BRWD1: variants seen among roughly 807,000 people sequenced by gnomAD.
BRWD1 encodes bromodomain and WD repeat domain containing 1, also known as bromodomain and WD repeat-containing protein 1.
In BRWD1, 82 loss-of-function variants were observed where a neutral mutation model predicts 251.2. The ratio of observed to expected loss-of-function variants is 0.33; its 90% CI spans 0.27 to 0.39. The LOEUF (loss-of-function observed/expected upper bound fraction) is 0.39, where lower values mean the gene tolerates loss of function less well. BRWD1 is among the 10% of genes least tolerant of loss of function. BRWD1 has a pLI of 1.00. For missense variants in BRWD1, 2,233 were observed against 2,711.6 expected (o/e 0.82, Z 3.92); for synonymous variants, 918 against 902.8 (o/e 1.02, Z -0.30).
In BRWD1 at chr21:39,196,439, G is replaced by A. The variant is rs567136270; in HGVS notation, c.6630C>T (p.Arg2210=). ...CATTATCATCCACACTTAACCTAGG[G>A]CGTTTGCTTTGTCTTTGACGTCTCA... ...KTVRRQRQSK[R]PRLSVDDNDW... is the part of the protein sequence containing the mutation. Residue 2210 remains arginine, a synonymous_variant, in exon 41 of 41, where the codon CGC becomes CGT. Transcript: ENST00000342449. 4 of 1,613,560 alleles carry A rather than the reference G, an allele frequency of 2.5e-6. No individual in the cohort carries two copies. Among genetic ancestry groups the A allele is most frequent in the African/African-American group, 2.7e-5 (2 of 74,964 alleles).
At chr21:39,280,632 C>A (rs890101213) in intron 8 of BRWD1, among the ~76,000 whole-genome samples, 4 of 152,050 alleles carry the variant, frequency 2.6e-5, no homozygotes, top group African/African-American at 4.8e-5. Flanking sequence ...GGAAAGCTGA[C>A]TGAAAAACTG....
At chr21:39,314,296 TC>T, upstream of BRWD1, 1 of 455,336 alleles carries the variant, frequency 2.2e-6, no homozygotes. Flanking sequence ...CCCAGCCACA[TC>T]CCCCACAAGC....
chr21:39,293,711 A>AACT, intron 8 of BRWD1, 100 bp downstream of exon 8: 1 of 864,926 alleles, frequency 1.2e-6, no homozygotes, highest in Admixed American at 2.6e-5. Context: ...CTTAAAACAT[A>AACT]ACTAATACAC....
chr21:39,199,500 T>C lies in BRWD1; in HGVS notation c.4916A>G (p.Lys1639Arg). Residue 1639 changes from lysine (K) to arginine (R), a missense_variant, in exon 40 of 41, where the codon AAA (lysine) becomes AGA (arginine). This residue lies in a region of BRWD1 where 928 missense variants were observed against 970.0 expected (regional missense o/e 0.96). Coordinates refer to ENST00000342449, the MANE Select transcript of BRWD1 (RefSeq NM_033656.4). Reference sequence around the variant, plus strand: ...TTCTACATCACTCATTAGCTTTATTTTATTGGCAGCCACAGCAGCACACTT... The same window carrying C: ...TTCTACATCACTCATTAGCTTTATTCTATTGGCAGCCACAGCAGCACACTT... ...LRKCAAVAAN[K>R]IKLMSDVEEN... 6.2e-7 allele frequency: 1 copy of C among 1,614,196 alleles called. No individual in the cohort carries two copies. The highest frequency in any genetic ancestry group is 8.5e-7 in the Non-Finnish European group (1 of 1,180,040).
At chr21:39,218,428 T>C (rs2033042079) in intron 30 of BRWD1, 77 bp downstream of exon 30, 2 of 1,446,024 alleles carry the variant, frequency 1.4e-6, no homozygotes, top group Admixed American at 4.8e-5. Context: ...GAAACCTCAA[T>C]TATGCTAGTA....
intron 22 of BRWD1, among the ~76,000 whole-genome samples, chr21:39,237,027 G>GA (rs1017256723): frequency 2.0e-5 from 3 of 148,786 alleles, no homozygotes; most frequent in Non-Finnish European, 3.0e-5. Flanking sequence ...ATGTAAACCC[G>GA]AAAAAAAAAA....
At position 39,190,822 on chromosome 21, in the gene BRWD1, A is replaced by G. The variant is rs2031513456; in HGVS notation, c.*5437T>C. On this transcript the variant is annotated 3_prime_UTR_variant, in exon 41 of 41. Coordinates refer to ENST00000342449, the MANE Select transcript of BRWD1 (RefSeq NM_033656.4). ...TATGGCAGCATCAGGTCAAAAGACCATCAGAAATAATTCCATGAACTAGTT... is the reference window on the plus strand; with the variant it reads ...TATGGCAGCATCAGGTCAAAAGACCGTCAGAAATAATTCCATGAACTAGTT... 2 of 985,406 alleles carry G rather than the reference A, an allele frequency of 2.0e-6. No homozygotes were observed. The highest frequency in any genetic ancestry group is 2.4e-6 in the Non-Finnish European group (2 of 829,906). 61.0% of individuals were successfully genotyped at this position (985,406 alleles called of 1,614,324 possible). A position where few individuals can be genotyped will look rare whatever the true frequency, so the allele number is the denominator to read the frequency against.
At chr21:39,270,197 T>C (rs1232758158) in intron 14 of BRWD1, 86 bp downstream of exon 14, 1 of 1,299,946 alleles carries the variant, frequency 7.7e-7, no homozygotes, top group Non-Finnish European at 1.0e-6. Context: ...AGAAACAACT[T>C]GTTCAATATA....
At chr21:39,301,313 T>C (rs956461641) in intron 4 of BRWD1, among the ~76,000 whole-genome samples, 1 of 152,172 alleles carries the variant, frequency 6.6e-6, no homozygotes, top group African/African-American at 2.4e-5. Context: ...AACAGTAACA[T>C]TGAGAGGATA....
upstream of BRWD1, chr21:39,313,678 C>T (rs11910705): frequency 0.63 from 242,927 of 386,410 alleles, 74,077 homozygotes; most frequent in Admixed American, 0.7. Flanking sequence ...CCGCGGGAGA[C>T]GAAAAGTAGT....
chr21:39,290,439 T>C (rs2035775463), intron 8 of BRWD1, among the ~76,000 whole-genome samples: 1 of 146,964 alleles, frequency 6.8e-6, no homozygotes, highest in Admixed American at 6.9e-5. Flanking sequence ...TGCAGTGAGC[T>C]GAGATTGCGC....
Position 39,189,697 on chromosome 21 carries a change from T to C in BRWD1, c.*6562A>G. The C allele has an allele frequency of 4.1e-6, 4 of 982,192 alleles. No homozygotes were observed. Among genetic ancestry groups the C allele is most frequent in the Non-Finnish European group, 4.8e-6 (4 of 827,016 alleles). The allele number at this position is 982,192 out of a possible 1,614,324, so 60.8% of individuals were successfully genotyped here. On this transcript the variant is annotated 3_prime_UTR_variant, in exon 41 of 41. Coordinates refer to ENST00000342449, the MANE Select transcript of BRWD1 (RefSeq NM_033656.4). The stretch of plus-strand genomic sequence containing the variant: ...CTGTGGAGAATTTTTTTAAATACAT[T>C]CAAGTCAGTGTTAATTTTATTACTG...
At chr21:39,185,295 T>TTAAAAAAAAAAAAAAA (rs369755854), downstream of BRWD1, 1 of 71,838 alleles carries the variant, frequency 1.4e-5, no homozygotes, top group Non-Finnish European at 2.8e-5. Flanking sequence ...CTGAAATTGC[T>TTAAAAAAAAAAAAAAA]AAAAAAAAAA....
intron 20 of BRWD1, among the ~76,000 whole-genome samples, chr21:39,249,477 GAAT>G (rs35265000): frequency 0.47 from 71,049 of 151,746 alleles, 16,761 homozygotes; most frequent in Admixed American, 0.53. Context: ...TATCAAAACA[GAAT>G]AATCATTCAA....
chr21:39,186,858 A>T lies in BRWD1; in HGVS notation c.*9401T>A. 8.8e-7 allele frequency: 1 copy of T among 1,141,204 alleles called. No homozygotes were observed. The highest frequency in any genetic ancestry group is 1.2e-6 in the Non-Finnish European group (1 of 852,794). 70.7% of individuals were successfully genotyped at this position (1,141,204 alleles called of 1,614,324 possible). On this transcript the variant is annotated 3_prime_UTR_variant, in exon 41 of 41. Transcript: ENST00000342449. ...TCCTCCTCAGAATTCCCCAGAGCAC[A>T]TGTCTGTACAAGAGCTGACTGGGAG...
At chr21:39,223,578 G>A (rs1194162995) in intron 29 of BRWD1, among the ~76,000 whole-genome samples, 1 of 152,180 alleles carries the variant, frequency 6.6e-6, no homozygotes, top group Admixed American at 6.5e-5. Flanking sequence ...AACCTGACTG[G>A]AGAAAGGTAG....
At chr21:39,315,761 G>T (rs76432208), upstream of BRWD1, 5 of 149,960 alleles carry the variant, frequency 3.3e-5, no homozygotes, top group African/African-American at 1.2e-4. Flanking sequence ...AAAAAAAAAG[G>T]AATGAGCCAC....
rs1352428405 is a variant in BRWD1, at chr21:39,229,345, G to A, written c.3092C>T (p.Thr1031Ile). ...GAAAGATTTGTCCATAAGTTTTCCA[G>A]TTGCTGGATCTATAAATGCTAGTTT... Reference protein sequence around the residue: ...CLKLAFIDPATGKLMDKSFSI... With the variant: ...CLKLAFIDPAIGKLMDKSFSI... The change falls in exon 26 of 41, where the codon ACT (threonine) becomes ATT (isoleucine). Residue 1031 changes from threonine to isoleucine, a missense_variant. Around this residue, in one of 12 missense-constraint regions of BRWD1, gnomAD observed 139 missense variants for 272.8 expected, o/e 0.51. Transcript: ENST00000342449. 1 of 1,604,340 alleles carries A rather than the reference G, an allele frequency of 6.2e-7. No homozygotes were observed. Among genetic ancestry groups the A allele is most frequent in the Admixed American group, 1.7e-5 (1 of 59,862 alleles).
chr21:39,274,876 C>T (rs2035231307), intron 12 of BRWD1, among the ~76,000 whole-genome samples: 2 of 152,088 alleles, frequency 1.3e-5, no homozygotes, highest in Admixed American at 6.5e-5. Flanking sequence ...CCCGTCTCTA[C>T]TAAAAATACA....
Sources: gnomAD v4.1 joint callset for allele counts (sites outside exome capture counted in the v4.1 genomes callset) on GRCh38, gnomAD v4.1.1 for gene constraint, gnomAD v4.1.1 regional missense constraint, MANE v1.5 for transcripts, NCBI Gene and HGNC (gene_info 2026-07-23, HGNC 2026-07-21) for gene names.